The following ANKRD45 variants were observed in gnomAD, a reference collection of about 807,000 sequenced individuals.
ANKRD45 encodes ankyrin repeat domain 45, also known as ankyrin repeat domain-containing protein 45.
A neutral mutation model predicts 28.1 loss-of-function variants in ANKRD45; 21 were observed. The observed-to-expected ratio is 0.75, with a 90% confidence interval of 0.53 to 1.08. ANKRD45 has a LOEUF of 1.08. Ranked by LOEUF, ANKRD45 falls within the 50% of genes least tolerant of loss-of-function variation. The pLI, the probability that ANKRD45 is intolerant of heterozygous loss-of-function variation, is 0.00. For synonymous variants in ANKRD45, 86 were observed against 103.9 expected (o/e 0.83, Z 1.05); for missense variants, 261 against 308.7 (o/e 0.85, Z 1.16).
chr1:173,699,928 T>C, the ANKRD45 span, among the ~76,000 whole-genome samples: 1 of 152,158 alleles, frequency 6.6e-6, no homozygotes, highest in Non-Finnish European at 1.5e-5. Context: ...AACCGCATCA[T>C]CTCAGCCCAA....
At chr1:173,634,147 C>A (rs911614676) in intron 3 of ANKRD45, among the ~76,000 whole-genome samples, 3 of 151,826 alleles carry the variant, frequency 2.0e-5, no homozygotes, top group Non-Finnish European at 4.4e-5. Flanking sequence ...ATCTAATAAT[C>A]CTATTTTTTT....
intron 3 of ANKRD45, chr1:173,636,872 A>G (rs1180728249): frequency 5.2e-6 from 8 of 1,535,806 alleles, no homozygotes; most frequent in Non-Finnish European, 7.0e-6. Flanking sequence ...TGATCTAGAA[A>G]GCCCATTGAT....
At chr1:173,683,868 G>A in the ANKRD45 span, among the ~76,000 whole-genome samples, 1 of 152,126 alleles carries the variant, frequency 6.6e-6, no homozygotes, top group African/African-American at 2.4e-5. Context: ...CTATAGAAGG[G>A]TGTGCCCTTA....
intron 3 of ANKRD45, chr1:173,635,541 C>A (rs1309798321): frequency 6.5e-7 from 1 of 1,528,396 alleles, no homozygotes. Flanking sequence ...CAAAGACTAC[C>A]GCTGATTTTT....
chr1:173,682,682 A>AACACACAC, the ANKRD45 span, among the ~76,000 whole-genome samples: 2 of 95,250 alleles, frequency 2.1e-5, no homozygotes, highest in African/African-American at 1.2e-4. Flanking sequence ...AGGCCTTTTA[A>AACACACAC]ATACACACAC....
intron 3 of ANKRD45, among the ~76,000 whole-genome samples, chr1:173,628,520 G>A (rs1668039419): frequency 6.6e-6 from 1 of 152,098 alleles, no homozygotes; most frequent in African/African-American, 2.4e-5. Context: ...CCTGGGCAGT[G>A]GTGGCCACAG....
the ANKRD45 span, among the ~76,000 whole-genome samples, chr1:173,711,360 C>T: frequency 6.6e-6 from 1 of 152,176 alleles, no homozygotes; most frequent in Non-Finnish European, 1.5e-5. Context: ...AGACATGAAA[C>T]ATCAATCAAC....
chr1:173,647,764 T>TC (rs1669002515), intron 2 of ANKRD45, among the ~76,000 whole-genome samples: 2 of 151,898 alleles, frequency 1.3e-5, no homozygotes, highest in African/African-American at 4.9e-5. Flanking sequence ...CCACAGTCAA[T>TC]CCCATAATCT....
the ANKRD45 span, among the ~76,000 whole-genome samples, chr1:173,695,966 C>T: frequency 3.9e-5 from 6 of 152,148 alleles, no homozygotes; most frequent in African/African-American, 1.2e-4. Flanking sequence ...ATGCCCAAAA[C>T]TTCATTACCA....
intron 2 of ANKRD45, among the ~76,000 whole-genome samples, chr1:173,653,664 T>C (rs1408103620): frequency 1.3e-5 from 2 of 152,326 alleles, no homozygotes; most frequent in East Asian, 3.9e-4. Flanking sequence ...GTTAACCTTA[T>C]GTCTCGTTGA....
chr1:173,612,346 A>AGGAAGGAAGGAAGGAAGGAG, intron 5 of ANKRD45, among the ~76,000 whole-genome samples: 1 of 151,532 alleles, frequency 6.6e-6, no homozygotes, highest in South Asian at 2.1e-4. Context: ...GAAGGAAGGA[A>AGGAAGGAAGGAAGGAAGGAG]GGAAGGAAGG....
intron 2 of ANKRD45, among the ~76,000 whole-genome samples, chr1:173,655,122 G>A (rs1026013587): frequency 4.6e-5 from 7 of 152,048 alleles, no homozygotes; most frequent in East Asian, 1.9e-4. Context: ...GTCATTCTCC[G>A]TCCAGCTTTG....
At position 173,621,177 on chromosome 1, in the gene ANKRD45, A is replaced by G. The variant is rs1000427264; in HGVS notation, c.730+3610T>C. On this transcript the variant is annotated intron_variant, in intron 5 of 5. Transcript: ENST00000333279. ...GGCAATAATAAATAGCCTACCAACC[A>G]AAAAGAAGCCCAGGACCAGATGGAT... 3.3e-5 allele frequency among the ~76,000 whole-genome samples: 5 copies of G among 152,314 alleles called. No homozygotes were observed. The East Asian group carries it at 9.6e-4, about 29-fold the overall frequency.
At chr1:173,704,871 G>C in the ANKRD45 span, among the ~76,000 whole-genome samples, 1 of 152,248 alleles carries the variant, frequency 6.6e-6, no homozygotes, top group Non-Finnish European at 1.5e-5. Context: ...GAAAGGGACA[G>C]AAGCAGGGCA....
the ANKRD45 span, among the ~76,000 whole-genome samples, chr1:173,690,794 G>T: frequency 1.3e-5 from 2 of 152,118 alleles, no homozygotes; most frequent in Non-Finnish European, 2.9e-5. Flanking sequence ...CTTGCTTGGG[G>T]TATTTCCCAT....
At chr1:173,643,742 G>A (rs1181001952) in intron 3 of ANKRD45, among the ~76,000 whole-genome samples, 1 of 151,670 alleles carries the variant, frequency 6.6e-6, no homozygotes, top group Non-Finnish European at 1.5e-5. Flanking sequence ...AAAGTATCTT[G>A]AAAAATCCCA....
the ANKRD45 span, among the ~76,000 whole-genome samples, chr1:173,710,104 C>G: frequency 6.6e-6 from 1 of 152,162 alleles, no homozygotes; most frequent in African/African-American, 2.4e-5. Flanking sequence ...GTGAGAGGAT[C>G]ACTTGAGCCC....
chr1:173,711,320 G>C, the ANKRD45 span, among the ~76,000 whole-genome samples: 1 of 152,176 alleles, frequency 6.6e-6, no homozygotes, highest in African/African-American at 2.4e-5. Flanking sequence ...AAGGTGATCA[G>C]ACCACAGTTT....
At chr1:173,643,439 G>C (rs746941044) in intron 3 of ANKRD45, among the ~76,000 whole-genome samples, 2 of 151,816 alleles carry the variant, frequency 1.3e-5, no homozygotes, top group Non-Finnish European at 2.9e-5. Context: ...CCAAAGTCCC[G>C]GGATTACAGG....
Sources: gnomAD v4.1 joint callset for allele counts (sites outside exome capture counted in the v4.1 genomes callset) on GRCh38, gnomAD v4.1.1 for gene constraint, MANE v1.5 for transcripts, NCBI Gene and HGNC (gene_info 2026-07-23, HGNC 2026-07-21) for gene names.